Variants in ZNF385D observed in about 807,000 individuals in gnomAD.
The protein encoded by ZNF385D is zinc finger protein 385D.
In ZNF385D, 15 loss-of-function variants were observed where a neutral mutation model predicts 35.8. That is an observed-to-expected ratio of 0.42 (90% CI 0.28 to 0.64). The LOEUF is 0.64. Among genes scored for constraint, ZNF385D ranks in the 30% least tolerant of loss-of-function variants. The pLI is 0.23. For synonymous variants in ZNF385D, 212 were observed against 186.8 expected, an observed-to-expected ratio of 1.13 and a Z score of -1.10; for missense variants, 474 against 494.6, an observed-to-expected ratio of 0.96 and a Z score of 0.39.
chr3:22,061,527 C>T (rs1699686065), intron 3 of ZNF385D, among the ~76,000 whole-genome samples: 1 of 152,144 alleles, frequency 6.6e-6, no homozygotes, highest in Non-Finnish European at 1.5e-5. Context: ...CTTTTCTTCT[C>T]AAGCCTCCCA....
chr3:21,947,605 C>T (rs956475988), intron 3 of ZNF385D, among the ~76,000 whole-genome samples: 2 of 152,172 alleles, frequency 1.3e-5, no homozygotes, highest in Admixed American at 6.5e-5. Flanking sequence ...CCACATTGGA[C>T]TCCCAGAGTG....
intron 2 of ZNF385D, among the ~76,000 whole-genome samples, chr3:22,189,858 T>G (rs1286405284): frequency 1.3e-5 from 2 of 152,166 alleles, no homozygotes; most frequent in Admixed American, 6.6e-5. Flanking sequence ...CTGTTGAAAG[T>G]GTCCTGTTGT....
intron 3 of ZNF385D, among the ~76,000 whole-genome samples, chr3:21,527,755 A>G (rs1044075571): frequency 1.0e-5 from 1 of 99,658 alleles, no homozygotes; most frequent in African/African-American, 3.2e-5. Context: ...CAGAAAAACT[A>G]TGTTAAAAAA....
chr3:21,598,309 A>G (rs770092220), intron 2 of ZNF385D, among the ~76,000 whole-genome samples: 7 of 152,200 alleles, frequency 4.6e-5, no homozygotes, highest in Non-Finnish European at 8.8e-5. Flanking sequence ...AAAGGTAAGG[A>G]TAAGCAGTAG....
chr3:21,951,020 C>G (rs526429), intron 3 of ZNF385D, among the ~76,000 whole-genome samples: 39,671 of 151,068 alleles, frequency 0.26, 6,234 homozygotes, highest in Admixed American at 0.41. Context: ...GATTGTCTTG[C>G]CTATATGGGC....
intron 2 of ZNF385D, among the ~76,000 whole-genome samples, chr3:22,331,455 A>G (rs1694932662): frequency 6.6e-6 from 1 of 152,208 alleles, no homozygotes; most frequent in Admixed American, 6.5e-5. Context: ...TTTAATAGCT[A>G]TATATGACCA....
chr3:22,298,797 T>C (rs1014428387), intron 2 of ZNF385D, among the ~76,000 whole-genome samples: 1 of 151,840 alleles, frequency 6.6e-6, no homozygotes, highest in South Asian at 2.1e-4. Flanking sequence ...TTAGAATCAA[T>C]AAATAAATTG....
At chr3:21,515,711 T>C (rs1216937284) in intron 3 of ZNF385D, among the ~76,000 whole-genome samples, 4 of 152,210 alleles carry the variant, frequency 2.6e-5, no homozygotes, top group South Asian at 2.1e-4. Flanking sequence ...TAGTTTAACA[T>C]TGAGGCAAGG....
upstream of ZNF385D, among the ~76,000 whole-genome samples, chr3:21,756,048 T>C (rs1180646359): frequency 1.3e-5 from 2 of 152,218 alleles, no homozygotes; most frequent in Non-Finnish European, 2.9e-5. Context: ...ATGACTTACA[T>C]GATATAACTT....
At chr3:21,672,241 GTTGT>G (rs1398168053) in intron 1 of ZNF385D, among the ~76,000 whole-genome samples, 2 of 151,816 alleles carry the variant, frequency 1.3e-5, no homozygotes, top group African/African-American at 4.8e-5. Flanking sequence ...TTTTTCTTTC[GTTGT>G]TTCTTTTTTT....
intron 3 of ZNF385D, among the ~76,000 whole-genome samples, chr3:21,857,007 G>T (rs945795146): frequency 6.6e-6 from 1 of 151,984 alleles, no homozygotes; most frequent in African/African-American, 2.4e-5. Context: ...ACCTAAGAAG[G>T]GTTCTATTCG....
At chr3:22,327,655 A>T (rs1428498188) in intron 2 of ZNF385D, among the ~76,000 whole-genome samples, 1 of 152,158 alleles carries the variant, frequency 6.6e-6, no homozygotes, top group Non-Finnish European at 1.5e-5. Context: ...AGGTGGTGCT[A>T]TGTTTTCTTA....
intron 2 of ZNF385D, among the ~76,000 whole-genome samples, chr3:22,346,820 A>C (rs552054571): frequency 6.6e-6 from 1 of 152,300 alleles, no homozygotes; most frequent in African/African-American, 2.4e-5. Context: ...TGGTAAATGC[A>C]AACTACCACT....
intron 3 of ZNF385D, among the ~76,000 whole-genome samples, chr3:22,100,860 A>T (rs1338627540): frequency 6.6e-6 from 1 of 151,822 alleles, no homozygotes; most frequent in East Asian, 1.9e-4. Flanking sequence ...AAAGAAAATC[A>T]CATAAAAAAT....
intron 3 of ZNF385D, among the ~76,000 whole-genome samples, chr3:21,537,895 G>T (rs1404988112): frequency 6.6e-6 from 1 of 152,072 alleles, no homozygotes; most frequent in African/African-American, 2.4e-5. Flanking sequence ...ATGAACACAG[G>T]GAGTAGAAGC....
At chr3:21,993,913 C>G (rs774566481) in intron 3 of ZNF385D, among the ~76,000 whole-genome samples, 2 of 152,092 alleles carry the variant, frequency 1.3e-5, no homozygotes, top group Admixed American at 6.6e-5. Flanking sequence ...AATGCCAAAC[C>G]AAGCATTCAT....
chr3:21,922,705 C>G (rs480138), intron 3 of ZNF385D, among the ~76,000 whole-genome samples: 1 of 152,182 alleles, frequency 6.6e-6, no homozygotes, highest in Non-Finnish European at 1.5e-5. Context: ...ACCTAGGAAA[C>G]ACCATCCAGG....
chr3:22,179,265 C>T (rs1040013976), intron 2 of ZNF385D, among the ~76,000 whole-genome samples: 9 of 152,104 alleles, frequency 5.9e-5, no homozygotes, highest in African/African-American at 2.2e-4. Flanking sequence ...TTTCATTGAG[C>T]AGTGGTTTGT....
chr3:22,282,906 G>A (rs1025221546), intron 2 of ZNF385D, among the ~76,000 whole-genome samples: 1 of 151,984 alleles, frequency 6.6e-6, no homozygotes. Context: ...GAATGGATAA[G>A]AATTCACCAA....
Sources: gnomAD v4.1 joint callset for allele counts (sites outside exome capture counted in the v4.1 genomes callset) on GRCh38, gnomAD v4.1.1 for gene constraint, MANE v1.5 for transcripts, NCBI Gene and HGNC (gene_info 2026-07-23, HGNC 2026-07-21) for gene names.